The following CTNNA3 variants were observed in gnomAD, a reference collection of about 807,000 sequenced individuals.
The protein encoded by CTNNA3 is catenin alpha-3.
A neutral mutation model predicts 95.7 loss-of-function variants in CTNNA3; 76 were observed. The ratio of observed to expected loss-of-function variants is 0.79; its 90% CI spans 0.66 to 0.96. The LOEUF is 0.96. Among genes scored for constraint, CTNNA3 ranks in the 40% least tolerant of loss-of-function variants. The pLI is 0.00. For synonymous variants in CTNNA3, 431 were observed against 374.4 expected (o/e 1.15, Z -1.74); for missense variants, 1,191 against 1,089.8 (o/e 1.09, Z -1.31).
intron 7 of CTNNA3, among the ~76,000 whole-genome samples, chr10:67,139,045 A>G (rs1002143119): frequency 2.0e-5 from 3 of 152,262 alleles, no homozygotes; most frequent in Non-Finnish European, 2.9e-5. Context: ...AAAAAGCTAC[A>G]GTGTGAAAAT....
chr10:66,980,037 T>C (rs1304313983), intron 7 of CTNNA3, among the ~76,000 whole-genome samples: 1 of 152,182 alleles, frequency 6.6e-6, no homozygotes, highest in Non-Finnish European at 1.5e-5. Context: ...GGAGACACTT[T>C]TTTCCCTAAA....
chr10:67,669,352 T>C (rs1373058169), intron 1 of CTNNA3, among the ~76,000 whole-genome samples: 3 of 152,148 alleles, frequency 2.0e-5, no homozygotes, highest in African/African-American at 7.2e-5. Context: ...TAGTAACCTG[T>C]CCATCCATGT....
At chr10:67,435,937 T>C (rs1026777803) in intron 5 of CTNNA3, among the ~76,000 whole-genome samples, 2 of 152,012 alleles carry the variant, frequency 1.3e-5, no homozygotes, top group African/African-American at 4.8e-5. Flanking sequence ...CCTATCAAAA[T>C]ACCACCATCA....
intron 7 of CTNNA3, among the ~76,000 whole-genome samples, chr10:67,044,575 C>T (rs1316899232): frequency 1.3e-5 from 2 of 152,292 alleles, no homozygotes; most frequent in East Asian, 1.9e-4. Flanking sequence ...GAAGTGATAG[C>T]TATCCCTCTG....
Position 67,069,243 on chromosome 10 carries a change from T to A in CTNNA3, c.1047+111074A>T, listed in dbSNP as rs528933961. Among the ~76,000 whole-genome samples the A allele has an allele frequency of 1.1e-4, 16 of 152,012 alleles. No individual in the cohort carries two copies. The South Asian group carries it at 2.9e-3, about 28-fold the overall frequency. ...TGAATGATCAAAGTATACCCTTTTT[T>A]AAAAAAATTAGAGAATCTCAGAATT... On this transcript the variant is annotated intron_variant, in intron 7 of 17. Coordinates refer to ENST00000433211, the MANE Select transcript of CTNNA3 (RefSeq NM_013266.4).
intron 1 of CTNNA3, among the ~76,000 whole-genome samples, chr10:67,666,445 C>A (rs1020225070): frequency 1.4e-4 from 22 of 152,100 alleles, no homozygotes; most frequent in African/African-American, 5.3e-4. Context: ...ATTAATTTCA[C>A]TTTAGAAAAC....
intron 5 of CTNNA3, among the ~76,000 whole-genome samples, chr10:67,223,534 A>C (rs1864752143): frequency 6.6e-6 from 1 of 152,248 alleles, no homozygotes; most frequent in African/African-American, 2.4e-5. Context: ...TTAAGAAGAC[A>C]TTAAATGTTT....
In CTNNA3 at chr10:67,530,202, C is replaced by CT. The variant is rs574229380; in HGVS notation, c.460-8242dup. On this transcript the variant is annotated intron_variant, in intron 4 of 17. Transcript: ENST00000433211. ...TTGGTACCAGTAGAGTGGGGTGCTG[C>CT]TGTAGATACCTGAAAATGTGGAAGC... Among the ~76,000 whole-genome samples the CT allele has an allele frequency of 1.3e-3, 201 of 152,298 alleles. 1 individual carries two copies. Among genetic ancestry groups the CT allele is most frequent in the African/African-American group, 4.5e-3 (185 of 41,556 alleles).
chr10:66,087,990 C>T (rs942415758), intron 14 of CTNNA3, among the ~76,000 whole-genome samples: 1 of 151,912 alleles, frequency 6.6e-6, no homozygotes, highest in African/African-American at 2.4e-5. Flanking sequence ...AGTATATATA[C>T]TTTCTATTAA....
chr10:66,256,578 G>A (rs745981262), intron 13 of CTNNA3, among the ~76,000 whole-genome samples: 10 of 151,936 alleles, frequency 6.6e-5, no homozygotes, highest in Admixed American at 2.6e-4. Flanking sequence ...AAAATTAGCC[G>A]GTCATGGTGG....
At chr10:66,800,707 TA>T (rs1297967767) in intron 7 of CTNNA3, among the ~76,000 whole-genome samples, 1 of 151,360 alleles carries the variant, frequency 6.6e-6, no homozygotes, top group African/African-American at 2.4e-5. Context: ...AGGAACTATA[TA>T]AAGACATGAA....
chr10:66,010,577 G>T (rs773755224), intron 15 of CTNNA3, among the ~76,000 whole-genome samples: 5 of 152,166 alleles, frequency 3.3e-5, no homozygotes, highest in Non-Finnish European at 5.9e-5. Flanking sequence ...GCTGGGAATT[G>T]TAGGTTCTAC....
At chr10:65,945,154 G>C (rs903995393) in intron 17 of CTNNA3, among the ~76,000 whole-genome samples, 34 of 144,612 alleles carry the variant, frequency 2.4e-4, no homozygotes, top group African/African-American at 9.0e-4. Context: ...GTGTGTGTGT[G>C]TGTGTGTATA....
At chr10:67,317,694 G>T (rs1171764173) in intron 5 of CTNNA3, among the ~76,000 whole-genome samples, 2 of 151,980 alleles carry the variant, frequency 1.3e-5, no homozygotes, top group Non-Finnish European at 2.9e-5. Flanking sequence ...CAAAGGGCTG[G>T]GATTACAGGC....
chr10:67,603,274 T>C (rs1476499564), intron 3 of CTNNA3, among the ~76,000 whole-genome samples: 3 of 152,208 alleles, frequency 2.0e-5, no homozygotes, highest in Non-Finnish European at 1.5e-5. Flanking sequence ...GGTCATGTTT[T>C]GCATAACAAC....
Position 66,102,305 on chromosome 10 carries a change from T to C in CTNNA3, c.1977+852A>G, listed in dbSNP as rs188386892. Among the ~76,000 whole-genome samples the C allele has an allele frequency of 7.7e-4, 117 of 152,312 alleles. 1 individual carries two copies. Among genetic ancestry groups the C allele is most frequent in the African/African-American group, 2.7e-3 (113 of 41,558 alleles). On this transcript the variant is annotated intron_variant, in intron 14 of 17. Coordinates refer to ENST00000433211, the MANE Select transcript of CTNNA3 (RefSeq NM_013266.4). ...TATGAATGATAGTAACTAACAGTTATTGAGAAGTTACTATGAACTAGGCAC... is the reference window on the plus strand; with the variant it reads ...TATGAATGATAGTAACTAACAGTTACTGAGAAGTTACTATGAACTAGGCAC...
chr10:66,414,406 TAG>T (rs2093130332), intron 11 of CTNNA3, among the ~76,000 whole-genome samples: 1 of 152,078 alleles, frequency 6.6e-6, no homozygotes, highest in African/African-American at 2.4e-5. Flanking sequence ...ACTGAGAGCC[TAG>T]AGAGACTCCC....
intron 17 of CTNNA3, among the ~76,000 whole-genome samples, chr10:65,963,262 C>G (rs77662032): frequency 6.6e-6 from 1 of 152,094 alleles, no homozygotes; most frequent in East Asian, 1.9e-4. Context: ...GCCCACCCAC[C>G]CTTATTCCAC....
At chr10:66,272,329 A>G (rs1367278856) in intron 13 of CTNNA3, among the ~76,000 whole-genome samples, 1 of 152,162 alleles carries the variant, frequency 6.6e-6, no homozygotes, top group Admixed American at 6.6e-5. Flanking sequence ...AAATCTGCCT[A>G]ACACTGAAAA....
Sources: gnomAD v4.1 joint callset for allele counts (sites outside exome capture counted in the v4.1 genomes callset) on GRCh38, gnomAD v4.1.1 for gene constraint, MANE v1.5 for transcripts, NCBI Gene and HGNC (gene_info 2026-07-23, HGNC 2026-07-21) for gene names.